The following RALGAPB variants were observed in gnomAD, a reference collection of about 807,000 sequenced individuals.
The protein encoded by RALGAPB is ral GTPase-activating protein subunit beta.
Under a neutral mutation model 161.1 loss-of-function variants are expected in RALGAPB, and 25 were observed. That is an observed-to-expected ratio of 0.16 (90% CI 0.11 to 0.22). The LOEUF (loss-of-function observed/expected upper bound fraction) is 0.22. RALGAPB is among the 10% of genes least tolerant of loss of function. The probability of loss-of-function intolerance (pLI) is 1.00; values close to 1 mark genes in which losing one functional copy is unlikely to be tolerated. For synonymous variants in RALGAPB, 629 were observed against 626.1 expected, an observed-to-expected ratio of 1.00 and a Z score of -0.07; for missense variants, 1,391 against 1,815.2, an observed-to-expected ratio of 0.77 and a Z score of 4.25.
intron 1 of RALGAPB, among the ~76,000 whole-genome samples, chr20:38,485,491 G>C (rs1465309357): frequency 6.6e-6 from 1 of 151,852 alleles, no homozygotes; most frequent in African/African-American, 2.4e-5. Context: ...GCAGTGGTGC[G>C]ATCTCAGCTT....
At position 38,499,490 on chromosome 20, in the gene RALGAPB, C is replaced by G. The variant is rs775580865; in HGVS notation, c.597C>G (p.Leu199=). Residue 199 remains leucine (L), a synonymous_variant, in exon 5 of 30, where the codon CTC becomes CTG. Coordinates refer to ENST00000262879, the MANE Select transcript of RALGAPB (RefSeq NM_020336.4). ...TAGCAGAGAAGTTGATTGGTGTTCT[C>G]TTTGAGGTGTGGTTACTAGCTTGTA... is the stretch of plus-strand genomic sequence containing the variant. The part of the protein sequence containing the change: ...ENLAEKLIGV[L]FEVWLLACTR... 1 of 1,612,778 alleles carries G rather than the reference C, an allele frequency of 6.2e-7. No homozygotes were observed. The highest frequency in any genetic ancestry group is 1.3e-5 in the African/African-American group (1 of 74,818).
At chr20:38,478,556 G>T (rs2084872409) in intron 1 of RALGAPB, among the ~76,000 whole-genome samples, 1 of 151,982 alleles carries the variant, frequency 6.6e-6, no homozygotes, top group Non-Finnish European at 1.5e-5. Flanking sequence ...GAGTAGCTGG[G>T]ATTACAGGCA....
intron 13 of RALGAPB, 32 bp from the exon 14 acceptor site, chr20:38,531,132 ATTT>A: frequency 6.6e-7 from 1 of 1,504,596 alleles, no homozygotes; most frequent in Non-Finnish European, 9.2e-7. Context: ...GTTCTTGTGT[ATTT>A]TATATAAAAT....
At chr20:38,517,316 T>C (rs2086156316) in intron 7 of RALGAPB, among the ~76,000 whole-genome samples, 190 bp from the exon 8 acceptor site, 2 of 152,132 alleles carry the variant, frequency 1.3e-5, no homozygotes. Context: ...TTTTTCTGGG[T>C]AGCCATGTCC....
At position 38,554,323 on chromosome 20, in the gene RALGAPB, C is replaced by T. The variant is rs1367787936; in HGVS notation, c.3372+247C>T. Reference sequence around the variant, plus strand: ...GACTGGTTTGATGATACATCTAACTCTGAATTTTCCTAGATAACACAGTAC... The same window carrying T: ...GACTGGTTTGATGATACATCTAACTTTGAATTTTCCTAGATAACACAGTAC... On this transcript the variant is annotated intron_variant, in intron 22 of 29. Coordinates refer to ENST00000262879, the MANE Select transcript of RALGAPB (RefSeq NM_020336.4). Among the ~76,000 whole-genome samples, 3 of 151,900 alleles carry T rather than the reference C, an allele frequency of 2.0e-5. No individual in the cohort carries two copies. In the South Asian group the frequency reaches 6.2e-4, roughly 32 times the overall value.
intron 13 of RALGAPB, among the ~76,000 whole-genome samples, chr20:38,527,422 T>TGGGCAAAAAGTTTTTTA (rs2086506308): frequency 6.6e-6 from 1 of 152,186 alleles, no homozygotes; most frequent in South Asian, 2.1e-4. Flanking sequence ...TGTCTGTAGC[T>TGGGCAAAAAGTTTTTTA]GGGCAAAAAG....
chr20:38,521,333 A>G (rs1019200899), intron 9 of RALGAPB, among the ~76,000 whole-genome samples, 164 bp from the exon 10 acceptor site: 8 of 152,216 alleles, frequency 5.3e-5, no homozygotes, highest in Non-Finnish European at 1.2e-4. Flanking sequence ...AGAAGATTTC[A>G]GAGAGCCCTT....
chr20:38,545,077 T>C (rs2087118458), intron 18 of RALGAPB, among the ~76,000 whole-genome samples: 1 of 152,196 alleles, frequency 6.6e-6, no homozygotes, highest in Non-Finnish European at 1.5e-5. Flanking sequence ...TATGGTATAT[T>C]ATCTCTGCAG....
At chr20:38,521,401 A>G (rs1568937724) in intron 9 of RALGAPB, 96 bp from the exon 10 acceptor site, 2 of 1,544,372 alleles carry the variant, frequency 1.3e-6, no homozygotes, top group Non-Finnish European at 1.7e-6. Context: ...TCAAGTAGCT[A>G]TTTAATGACA....
At chr20:38,540,790 A>C (rs2086940934) in intron 17 of RALGAPB, among the ~76,000 whole-genome samples, 1 of 152,162 alleles carries the variant, frequency 6.6e-6, no homozygotes, top group Non-Finnish European at 1.5e-5. Context: ...GTAATTTCAC[A>C]AGAAAGTTGA....
chr20:38,534,491 A>G (rs943278960), intron 15 of RALGAPB: 1 of 152,492 alleles, frequency 6.6e-6, no homozygotes, highest in Non-Finnish European at 1.5e-5. Context: ...TTGCTTTTAC[A>G]TATAGATTGG....
At position 38,518,081 on chromosome 20, in the gene RALGAPB, A is replaced by T. The variant is rs564449018; in HGVS notation, c.1417+81A>T. ...CTTTTTAGTCTTTCCTACCTGCAAG[A>T]TTAATATGTATCTTAAAAAGCTCTC... On this transcript the variant is annotated intron_variant, in intron 9 of 29. Transcript: ENST00000262879. 7 of 1,278,602 alleles carry T rather than the reference A, an allele frequency of 5.5e-6. No individual in the cohort carries two copies. The South Asian group carries it at 9.4e-5, about 17-fold the overall frequency. The allele number at this position is 1,278,602 out of a possible 1,614,324, so 79.2% of individuals were successfully genotyped here.
rs144309564 is a variant in RALGAPB, at chr20:38,532,813, G to A, written c.2199G>A (p.Thr733=). ...CAAGTGGTGGAAGCACGGAGCCCACGACTCCCGATAGTGAGAGACCTGCTC... is the reference window on the plus strand; with the variant it reads ...CAAGTGGTGGAAGCACGGAGCCCACAACTCCCGATAGTGAGAGACCTGCTC... ...SSASGGSTEP[T]TPDSERPAQA... is the part of the protein sequence containing the mutation. The change falls in exon 15 of 30, where the codon ACG becomes ACA. Residue 733 remains threonine (T), a synonymous_variant. Coordinates refer to ENST00000262879, the MANE Select transcript of RALGAPB (RefSeq NM_020336.4). 1.9e-5 allele frequency: 30 copies of A among 1,614,124 alleles called. No homozygotes were observed. The highest frequency in any genetic ancestry group is 6.7e-5 in the African/African-American group (5 of 75,036).
rs141526238 is a variant in RALGAPB at position 38,561,751 on chromosome 20, C to A, written c.3532-781C>A. Among the ~76,000 whole-genome samples, 176 of 152,238 alleles carry A rather than the reference C, an allele frequency of 1.2e-3. 1 individual carries two copies. Among genetic ancestry groups the A allele is most frequent in the Middle Eastern group, 6.8e-3 (2 of 294 alleles). On this transcript the variant is annotated intron_variant, in intron 23 of 29. Coordinates refer to ENST00000262879, the MANE Select transcript of RALGAPB (RefSeq NM_020336.4). ...ATTGCCATCTTGGGCCAGATAAGTT[C>A]TTTGTTACGGGGGCTATCCTGTGTA...
intron 1 of RALGAPB, among the ~76,000 whole-genome samples, chr20:38,477,137 A>G (rs144918789): frequency 1.9e-3 from 290 of 152,340 alleles, no homozygotes; most frequent in African/African-American, 6.7e-3. Context: ...TTGCTCTAAT[A>G]TGGTAGCCAC....
chr20:38,538,996 A>G (rs1331226390), intron 16 of RALGAPB, among the ~76,000 whole-genome samples: 1 of 152,252 alleles, frequency 6.6e-6, no homozygotes, highest in Non-Finnish European at 1.5e-5. Context: ...CCCAATGTCC[A>G]TTAATAAGTA....
At chr20:38,561,121 C>G (rs532208887) in intron 23 of RALGAPB, among the ~76,000 whole-genome samples, 2 of 152,084 alleles carry the variant, frequency 1.3e-5, no homozygotes, top group Non-Finnish European at 1.5e-5. Flanking sequence ...GTCAGGAGAT[C>G]GAGACCATCC....
chr20:38,480,738 C>A (rs1277394081), intron 1 of RALGAPB, among the ~76,000 whole-genome samples: 1 of 124,218 alleles, frequency 8.1e-6, no homozygotes, highest in African/African-American at 3.0e-5. Flanking sequence ...CACCCCCGCC[C>A]CCCCCTTTTT....
At chr20:38,473,445 C>T (rs912501636) in intron 1 of RALGAPB, among the ~76,000 whole-genome samples, 5 of 152,184 alleles carry the variant, frequency 3.3e-5, no homozygotes, top group South Asian at 2.1e-4. Flanking sequence ...CGATGCTGCC[C>T]ATTGCACAGT....
Sources: gnomAD v4.1 joint callset for allele counts (sites outside exome capture counted in the v4.1 genomes callset) on GRCh38, gnomAD v4.1.1 for gene constraint, MANE v1.5 for transcripts, NCBI Gene and HGNC (gene_info 2026-07-23, HGNC 2026-07-21) for gene names.